The following TENM3 variants were observed in gnomAD, a reference collection of about 807,000 sequenced individuals.
TENM3 encodes the protein teneurin transmembrane protein 3.
In TENM3, 63 loss-of-function variants were observed where a neutral mutation model predicts 255.1. The observed-to-expected ratio is 0.25, with a 90% CI of 0.20 to 0.30. The LOEUF is 0.30. TENM3 is among the 10% of genes least tolerant of loss of function. The pLI, the probability that TENM3 is intolerant of heterozygous loss-of-function variation, is 1.00. For missense variants in TENM3, 2,929 were observed against 3,461.1 expected (o/e 0.85, Z 3.86); for synonymous variants, 1,306 against 1,322.3 (o/e 0.99, Z 0.27).
chr4:181,676,083 G>A, the TENM3 span, among the ~76,000 whole-genome samples: 1 of 151,802 alleles, frequency 6.6e-6, no homozygotes, highest in Admixed American at 6.6e-5. Flanking sequence ...GGGAAGGGGG[G>A]GTGCATTTTC....
intron 1 of TENM3, among the ~76,000 whole-genome samples, chr4:182,309,751 T>C (rs1313565485): frequency 6.6e-6 from 1 of 152,204 alleles, no homozygotes; most frequent in African/African-American, 2.4e-5. Context: ...CTCAACCGTA[T>C]AGACTGGGCT....
chr4:182,364,471 C>T (rs2150807504), intron 3 of TENM3, among the ~76,000 whole-genome samples: 1 of 152,178 alleles, frequency 6.6e-6, no homozygotes, highest in East Asian at 1.9e-4. Flanking sequence ...GGCTGGAATG[C>T]AGTGGCGCGA....
At chr4:182,187,471 C>T (rs1753239143) in intron 1 of TENM3, among the ~76,000 whole-genome samples, 1 of 152,036 alleles carries the variant, frequency 6.6e-6, no homozygotes. Flanking sequence ...ATAGTAAATT[C>T]GCCAACTCTC....
the TENM3 span, among the ~76,000 whole-genome samples, chr4:181,943,880 T>C: frequency 6.6e-6 from 1 of 152,136 alleles, no homozygotes; most frequent in East Asian, 1.9e-4. Context: ...ATAACAATCA[T>C]AGTAACTCAA....
At chr4:182,198,781 G>A (rs530855411) in intron 1 of TENM3, among the ~76,000 whole-genome samples, 44 of 152,262 alleles carry the variant, frequency 2.9e-4, no homozygotes, top group African/African-American at 1.0e-3. Context: ...CAGAGCAGAG[G>A]GAAGCAAAGG....
chr4:181,849,362 CTAAT>C, the TENM3 span, among the ~76,000 whole-genome samples: 1 of 152,144 alleles, frequency 6.6e-6, no homozygotes, highest in African/African-American at 2.4e-5. Flanking sequence ...GTGACTATAA[CTAAT>C]AAACGTGTGC....
chr4:182,653,685 A>G lies in TENM3; in HGVS notation c.989-86A>G, dbSNP rs17073713. The stretch of plus-strand genomic sequence containing the variant: ...GAAAATGGAAATTGTAACTTTACAT[A>G]TGACTCTTGTTTTAAACATGCTTAG... On this transcript the variant is annotated intron_variant, in intron 5 of 27. Coordinates refer to ENST00000511685, the MANE Select transcript of TENM3 (RefSeq NM_001080477.4). 0.013 allele frequency: 18,028 copies of G among 1,409,792 alleles called. 1,184 individuals carry two copies. In the African/African-American group the frequency reaches 0.18, roughly 14 times the overall value. 87.3% of individuals were successfully genotyped at this position (1,409,792 alleles called of 1,614,324 possible). A position where few individuals can be genotyped will look rare whatever the true frequency, so the allele number is the denominator to read the frequency against.
chr4:182,543,706 A>T (rs553937621), intron 3 of TENM3, among the ~76,000 whole-genome samples: 1 of 152,270 alleles, frequency 6.6e-6, no homozygotes, highest in South Asian at 2.1e-4. Flanking sequence ...AGTTGTTGAT[A>T]CATGCTTTTT....
chr4:182,269,686 C>G (rs943935504), intron 1 of TENM3, among the ~76,000 whole-genome samples: 2 of 152,024 alleles, frequency 1.3e-5, no homozygotes, highest in African/African-American at 4.8e-5. Context: ...TAATCCATAT[C>G]CTCTTTCTAA....
intron 3 of TENM3, among the ~76,000 whole-genome samples, chr4:182,591,133 A>G (rs2152387889): frequency 6.6e-6 from 1 of 152,318 alleles, no homozygotes; most frequent in East Asian, 1.9e-4. Flanking sequence ...TCCAAAAGGT[A>G]GTATATTTAA....
At chr4:181,843,755 T>A in the TENM3 span, among the ~76,000 whole-genome samples, 1 of 136,728 alleles carries the variant, frequency 7.3e-6, no homozygotes, top group Non-Finnish European at 1.5e-5. Flanking sequence ...AGTCTCTCCC[T>A]GTCGCCCAGG....
chr4:182,058,109 C>A, the TENM3 span, among the ~76,000 whole-genome samples: 1 of 134,758 alleles, frequency 7.4e-6, no homozygotes, highest in Non-Finnish European at 1.5e-5. Flanking sequence ...AAAGTAGCAT[C>A]TTTCAAAATA....
the TENM3 span, among the ~76,000 whole-genome samples, chr4:182,057,826 C>T: frequency 6.6e-5 from 10 of 152,018 alleles, no homozygotes; most frequent in Non-Finnish European, 1.3e-4. Context: ...TCCTTCACCT[C>T]AAAGGAGTCC....
rs544425680 is a variant in TENM3, at chr4:182,720,504, A to G, written c.2368+6271A>G. On this transcript the variant is annotated intron_variant, in intron 13 of 27. Transcript: ENST00000511685. ...GATGGTTTGGGGGGAAATTACTATT[A>G]ATTTGAAAGACTCTACTGGATCCTA... Among the ~76,000 whole-genome samples, 8 of 152,220 alleles carry G rather than the reference A, an allele frequency of 5.3e-5. No homozygotes were observed. In the South Asian group the frequency reaches 1.7e-3, roughly 32 times the overall value.
chr4:181,512,040 A>G, the TENM3 span, among the ~76,000 whole-genome samples: 1 of 152,060 alleles, frequency 6.6e-6, no homozygotes, highest in South Asian at 2.1e-4. Context: ...GCACAGTCCT[A>G]CAAAGGCCTG....
chr4:182,186,333 T>C (rs1561178324), intron 1 of TENM3, among the ~76,000 whole-genome samples: 2 of 152,300 alleles, frequency 1.3e-5, no homozygotes, highest in Admixed American at 6.5e-5. Flanking sequence ...ATGAAACTGA[T>C]ATATGATCAT....
the TENM3 span, among the ~76,000 whole-genome samples, chr4:182,077,844 G>A: frequency 7.9e-5 from 12 of 152,204 alleles, no homozygotes; most frequent in South Asian, 4.2e-4. Context: ...GGGAGGGGGC[G>A]TGGCACCATC....
At chr4:181,790,562 G>T in the TENM3 span, among the ~76,000 whole-genome samples, 5 of 152,048 alleles carry the variant, frequency 3.3e-5, no homozygotes, top group African/African-American at 1.2e-4. Flanking sequence ...AATAGAAATA[G>T]AAAAGTTACT....
chr4:182,640,903 C>T (rs964346625), intron 5 of TENM3, among the ~76,000 whole-genome samples: 2 of 152,176 alleles, frequency 1.3e-5, no homozygotes, highest in African/African-American at 4.8e-5. Context: ...TCTCCTCTGC[C>T]TGAGGAGTAA....
Sources: allele counts gnomAD v4.1 joint callset (sites outside exome capture counted in the v4.1 genomes callset), GRCh38; gene constraint gnomAD v4.1.1; transcripts MANE v1.5; gene names NCBI Gene and HGNC (gene_info 2026-07-23, HGNC 2026-07-21).